Variants in RWDD1 observed in about 807,000 individuals in gnomAD.
RWDD1 encodes RWD domain containing 1, also known as RWD domain-containing protein 1.
Under a neutral mutation model 31.6 loss-of-function variants are expected in RWDD1, and 17 were observed. The observed-to-expected ratio is 0.54, with a 90% CI of 0.37 to 0.81. The LOEUF (loss-of-function observed/expected upper bound fraction) is 0.81, where lower values mean the gene tolerates loss of function less well. RWDD1 is among the 30% of genes least tolerant of loss of function. The probability of loss-of-function intolerance (pLI) is 0.00; values close to 1 mark genes in which losing one functional copy is unlikely to be tolerated. For missense variants in RWDD1, 204 were observed against 274.5 expected, an observed-to-expected ratio of 0.74 and a Z score of 1.82; for synonymous variants, 78 against 94.2, an observed-to-expected ratio of 0.83 and a Z score of 0.99.
rs1043265204 is a variant in RWDD1 at position 116,597,653 on chromosome 6, A to G, written c.*4552A>G. The G allele has an allele frequency of 7.2e-5, 11 of 152,118 alleles. No homozygotes were observed. The highest frequency in any genetic ancestry group is 2.4e-4 in the African/African-American group (10 of 41,502). The allele number at this position is 152,118 out of a possible 1,614,324, so 9.4% of individuals were successfully genotyped here. A position where few individuals can be genotyped will look rare whatever the true frequency, so the allele number is the denominator to read the frequency against. The stretch of plus-strand genomic sequence containing the variant: ...AATTTTTTTAAAAAAACAGGTAAAA[A>G]TAAAATATTTGCCAAAGACTAAGGG... On this transcript the variant is annotated 3_prime_UTR_variant, in exon 7 of 7. Coordinates refer to ENST00000466444, the MANE Select transcript of RWDD1 (RefSeq NM_015952.4).
intron 1 of RWDD1, among the ~76,000 whole-genome samples, chr6:116,577,768 CTGT>C (rs989041004): frequency 2.6e-5 from 4 of 151,998 alleles, no homozygotes; most frequent in African/African-American, 9.7e-5. Flanking sequence ...ATTTTATGTG[CTGT>C]TGTTAGATTT....
rs77246933 is a variant in RWDD1 at position 116,575,080 on chromosome 6, C to T, written c.73+3425C>T. 6.3e-3 allele frequency among the ~76,000 whole-genome samples: 952 copies of T among 151,916 alleles called. 10 individuals are homozygous for T. The highest frequency in any genetic ancestry group is 0.022 in the African/African-American group (929 of 41,358). On this transcript the variant is annotated intron_variant, in intron 1 of 6. Transcript: ENST00000466444. ...CCATTGCACCTGGCCCAGCTTTACT[C>T]TTTTTCTCAAAAAAATTTTTTTTTG... is the stretch of plus-strand genomic sequence containing the variant.
At chr6:116,575,590 C>T (rs1162313456) in intron 1 of RWDD1, among the ~76,000 whole-genome samples, 1 of 152,158 alleles carries the variant, frequency 6.6e-6, no homozygotes, top group African/African-American at 2.4e-5. Flanking sequence ...TTGAAATATC[C>T]CTTTTTCTGT....
intron 1 of RWDD1, among the ~76,000 whole-genome samples, chr6:116,574,406 A>G (rs1022777492): frequency 6.6e-6 from 1 of 152,216 alleles, no homozygotes; most frequent in African/African-American, 2.4e-5. Context: ...GTCCTGTAAA[A>G]GCAGTTTGTT....
At chr6:116,588,777 A>G (rs111264487) in intron 3 of RWDD1, 65 bp from the exon 4 acceptor site, 7 of 1,173,456 alleles carry the variant, frequency 6.0e-6, no homozygotes, top group African/African-American at 3.3e-5. Flanking sequence ...ATTAGTAATT[A>G]TTATAAATGT....
chr6:116,579,601 T>G (rs1774913332), intron 1 of RWDD1, among the ~76,000 whole-genome samples: 1 of 152,208 alleles, frequency 6.6e-6, no homozygotes, highest in Non-Finnish European at 1.5e-5. Context: ...CAGAGATGAG[T>G]ATTAGATAGA....
At chr6:116,590,603 G>A (rs1030519249) in intron 5 of RWDD1, among the ~76,000 whole-genome samples, 199 bp downstream of exon 5, 2 of 152,024 alleles carry the variant, frequency 1.3e-5, no homozygotes, top group African/African-American at 4.8e-5. Flanking sequence ...TTTGATATAA[G>A]TATTATAATT....
rs538374964 is a variant in RWDD1 at position 116,591,409 on chromosome 6, C to T, written c.610+459C>T. 2.0e-5 allele frequency among the ~76,000 whole-genome samples: 3 copies of T among 152,292 alleles called. No homozygotes were observed. In the South Asian group the frequency reaches 6.2e-4, roughly 32 times the overall value. On this transcript the variant is annotated intron_variant, in intron 6 of 6. Transcript: ENST00000466444. ...TGTGACTCAGGTGACCTGTTTTCTT[C>T]AAATTTCTAGTATCATAAATCTGTG...
At chr6:116,575,821 A>G (rs1438812694) in intron 1 of RWDD1, among the ~76,000 whole-genome samples, 1 of 152,220 alleles carries the variant, frequency 6.6e-6, no homozygotes, top group Non-Finnish European at 1.5e-5. Flanking sequence ...GTGACATTCC[A>G]TTTCCAGGAA....
At chr6:116,588,781 TA>T in intron 3 of RWDD1, 60 bp from the exon 4 acceptor site, 1 of 1,238,858 alleles carries the variant, frequency 8.1e-7, no homozygotes, top group Non-Finnish European at 1.1e-6. Flanking sequence ...GTAATTATTA[TA>T]AATGTATGGA....
chr6:116,575,478 G>C (rs2115323247), intron 1 of RWDD1, among the ~76,000 whole-genome samples: 1 of 152,292 alleles, frequency 6.6e-6, no homozygotes, highest in Non-Finnish European at 1.5e-5. Context: ...TCACAGTAAT[G>C]CATGGTAATG....
rs1309190207 is a variant in RWDD1, at chr6:116,593,913, C to T, written c.*812C>T. 6.6e-6 allele frequency: 1 copy of T among 151,806 alleles called. No homozygotes were observed. The highest frequency in any genetic ancestry group is 1.9e-4 in the East Asian group (1 of 5,178). The allele number at this position is 151,806 out of a possible 1,614,324, so 9.4% of individuals were successfully genotyped here. A position where few individuals can be genotyped will look rare whatever the true frequency, so the allele number is the denominator to read the frequency against. On this transcript the variant is annotated 3_prime_UTR_variant, in exon 7 of 7. Transcript: ENST00000466444. ...TGAGCCGAGATCACGCCACTGCACTCCAGCCTGGGCAACAGAGCAAGACTC... is the reference window on the plus strand; with the variant it reads ...TGAGCCGAGATCACGCCACTGCACTTCAGCCTGGGCAACAGAGCAAGACTC...
intron 2 of RWDD1, among the ~76,000 whole-genome samples, chr6:116,580,685 G>A (rs1774933092): frequency 1.3e-5 from 2 of 152,070 alleles, no homozygotes; most frequent in South Asian, 4.1e-4. Context: ...TATTTCAGTG[G>A]TTGTGTGGTT....
At position 116,594,094 on chromosome 6, in the gene RWDD1, G is replaced by A. The variant is rs1471088712; in HGVS notation, c.*993G>A. ...TGTGTGTAGAGATCACATGGCCAGA[G>A]AGTGAGGGTGGAAGTGCCAGGCTTT... On this transcript the variant is annotated 3_prime_UTR_variant, in exon 7 of 7. Transcript: ENST00000466444. 6.6e-6 allele frequency: 1 copy of A among 151,774 alleles called. No individual in the cohort carries two copies. The highest frequency in any genetic ancestry group is 1.5e-5 in the Non-Finnish European group (1 of 68,102). 9.4% of individuals were successfully genotyped at this position (151,774 alleles called of 1,614,324 possible). A position where few individuals can be genotyped will look rare whatever the true frequency, so the allele number is the denominator to read the frequency against.
rs1324027983 is a variant in RWDD1, at chr6:116,593,902, G to T, written c.*801G>T. 6.6e-6 allele frequency: 1 copy of T among 151,062 alleles called. No homozygotes were observed. The highest frequency in any genetic ancestry group is 1.9e-4 in the East Asian group (1 of 5,152). 9.4% of individuals were successfully genotyped at this position (151,062 alleles called of 1,614,324 possible). ...GGAGCTTGCAGTGAGCCGAGATCAC[G>T]CCACTGCACTCCAGCCTGGGCAACA... On this transcript the variant is annotated 3_prime_UTR_variant, in exon 7 of 7. Transcript: ENST00000466444.
intron 2 of RWDD1, among the ~76,000 whole-genome samples, chr6:116,581,952 A>G (rs962532579): frequency 6.6e-6 from 1 of 152,016 alleles, no homozygotes; most frequent in African/African-American, 2.4e-5. Context: ...AAGTGGAAGT[A>G]TGGTTGTATT....
Position 116,597,546 on chromosome 6 carries a change from T to G in RWDD1, c.*4445T>G, listed in dbSNP as rs992693689. 6.6e-6 allele frequency: 1 copy of G among 152,174 alleles called. No homozygotes were observed. The highest frequency in any genetic ancestry group is 2.4e-5 in the African/African-American group (1 of 41,436). The allele number at this position is 152,174 out of a possible 1,614,324, so 9.4% of individuals were successfully genotyped here. A position where few individuals can be genotyped will look rare whatever the true frequency, so the allele number is the denominator to read the frequency against. ...TTTACTGTTGAATATTTAGATTGTT[T>G]TCAATTTTTACATAATGAACAATGC... On this transcript the variant is annotated 3_prime_UTR_variant, in exon 7 of 7. Coordinates refer to ENST00000466444, the MANE Select transcript of RWDD1 (RefSeq NM_015952.4).
intron 1 of RWDD1, among the ~76,000 whole-genome samples, chr6:116,572,662 T>C (rs1048693924): frequency 6.6e-6 from 1 of 152,160 alleles, no homozygotes; most frequent in African/African-American, 2.4e-5. Flanking sequence ...AGAACCTAGG[T>C]GTGTGCATTT....
At chr6:116,582,984 A>G (rs2115329701) in intron 2 of RWDD1, among the ~76,000 whole-genome samples, 1 of 149,992 alleles carries the variant, frequency 6.7e-6, no homozygotes, top group African/African-American at 2.4e-5. Context: ...TAAAATTTTA[A>G]ATATTTTTTA....
Sources: allele counts gnomAD v4.1 joint callset (sites outside exome capture counted in the v4.1 genomes callset), GRCh38; gene constraint gnomAD v4.1.1; transcripts MANE v1.5; gene names NCBI Gene and HGNC (gene_info 2026-07-23, HGNC 2026-07-21).